The following CACNA1D variants were observed in gnomAD, a reference collection of about 807,000 sequenced individuals.
CACNA1D encodes the protein calcium voltage-gated channel subunit alpha1 D, also known as voltage-dependent L-type calcium channel subunit alpha-1D.
CACNA1D carries 55 observed loss-of-function variants against 257.1 expected under a neutral mutation model. The ratio of observed to expected loss-of-function variants is 0.21; its 90% CI spans 0.17 to 0.27. CACNA1D has a LOEUF of 0.27. Ranked by LOEUF, CACNA1D falls within the 10% of genes least tolerant of loss-of-function variation. The pLI is 1.00. For synonymous variants in CACNA1D, 980 were observed against 1,014.9 expected (o/e 0.97, Z 0.65); for missense variants, 1,876 against 2,784.0 (o/e 0.67, Z 7.34).
At chr3:53,635,603 G>T (rs1392105125) in intron 3 of CACNA1D, among the ~76,000 whole-genome samples, 1 of 152,006 alleles carries the variant, frequency 6.6e-6, no homozygotes, top group Non-Finnish European at 1.5e-5. Flanking sequence ...TCTCTATCTG[G>T]GTTTCAGCCT....
At chr3:53,650,136 C>T (rs1399016864) in intron 3 of CACNA1D, among the ~76,000 whole-genome samples, 3 of 152,154 alleles carry the variant, frequency 2.0e-5, no homozygotes, top group Admixed American at 6.5e-5. Context: ...CAAGTTCAGC[C>T]GGGAGAGGCG....
intron 3 of CACNA1D, among the ~76,000 whole-genome samples, chr3:53,502,193 T>G (rs142696506): frequency 6.6e-6 from 1 of 152,198 alleles, no homozygotes; most frequent in African/African-American, 2.4e-5. Flanking sequence ...CTAATAAATC[T>G]ACATAGAGCA....
intron 3 of CACNA1D, among the ~76,000 whole-genome samples, chr3:53,502,700 G>T (rs1432655197): frequency 6.6e-6 from 1 of 152,098 alleles, no homozygotes; most frequent in Non-Finnish European, 1.5e-5. Context: ...TGGGTAAGAA[G>T]ATTGCTAGTA....
chr3:53,745,135 G>A (rs1257064104), intron 23 of CACNA1D, among the ~76,000 whole-genome samples: 1 of 151,798 alleles, frequency 6.6e-6, no homozygotes, highest in African/African-American at 2.4e-5. Context: ...CAGTTTTCAT[G>A]TAGACTGTAT....
At chr3:53,583,970 GAC>G in intron 3 of CACNA1D, among the ~76,000 whole-genome samples, 1 of 152,340 alleles carries the variant, frequency 6.6e-6, no homozygotes, top group South Asian at 2.1e-4. Context: ...GTCTTGGAGA[GAC>G]AGCAGCTGTG....
chr3:53,672,611 A>C (rs2094333571), intron 7 of CACNA1D, among the ~76,000 whole-genome samples: 1 of 152,236 alleles, frequency 6.6e-6, no homozygotes, highest in Non-Finnish European at 1.5e-5. Flanking sequence ...AATAGGTTCT[A>C]GCTAAGCAGG....
intron 35 of CACNA1D, 88 bp downstream of exon 35, chr3:53,776,133 C>G (rs895871232): frequency 2.5e-6 from 3 of 1,201,986 alleles, no homozygotes; most frequent in Admixed American, 3.4e-5. Context: ...CCTGTCCCAT[C>G]GCCTGAGGAC....
At chr3:53,689,270 C>A (rs2094499063) in intron 8 of CACNA1D, among the ~76,000 whole-genome samples, 1 of 149,424 alleles carries the variant, frequency 6.7e-6, no homozygotes, top group African/African-American at 2.6e-5. Flanking sequence ...GGTGAGGCTG[C>A]CAGGGTGCTC....
intron 3 of CACNA1D, among the ~76,000 whole-genome samples, chr3:53,521,528 A>G (rs1417626748): frequency 6.6e-6 from 1 of 152,214 alleles, no homozygotes; most frequent in African/African-American, 2.4e-5. Flanking sequence ...ACAGACCCAC[A>G]AAACCAGGAC....
chr3:53,574,297 A>T (rs531270726), intron 3 of CACNA1D, among the ~76,000 whole-genome samples: 1 of 152,230 alleles, frequency 6.6e-6, no homozygotes, highest in East Asian at 1.9e-4. Context: ...AGCTCATGGG[A>T]TGGTGTGAAA....
chr3:53,660,682 C>CT (rs796561124), intron 5 of CACNA1D, among the ~76,000 whole-genome samples: 4,231 of 147,212 alleles, frequency 0.029, 191 homozygotes, highest in African/African-American at 0.097. Context: ...AGCTGCGTGC[C>CT]TTTTTTTTTT....
chr3:53,810,397 TGTGAGCTA>T, intron 47 of CACNA1D, 99 bp downstream of exon 47: 5 of 1,193,566 alleles, frequency 4.2e-6, no homozygotes, highest in Non-Finnish European at 6.2e-6. Flanking sequence ...GCGGCCAGGC[TGTGAGCTA>T]GGCTGCCTCA....
chr3:53,707,715 A>G (rs1395406810), intron 9 of CACNA1D, among the ~76,000 whole-genome samples: 1 of 152,160 alleles, frequency 6.6e-6, no homozygotes, highest in Non-Finnish European at 1.5e-5. Context: ...TGAGTTAACA[A>G]TGGAGTTTTG....
At position 53,774,475 on chromosome 3, in the gene CACNA1D, T is replaced by C. The variant is rs2095385267; in HGVS notation, c.4111-112T>C. 1.4e-6 allele frequency: 1 copy of C among 736,638 alleles called. No individual in the cohort carries two copies. The highest frequency in any genetic ancestry group is 2.5e-6 in the Non-Finnish European group (1 of 404,306). The allele number at this position is 736,638 out of a possible 1,614,324, so 45.6% of individuals were successfully genotyped here. Reference sequence around the variant, plus strand: ...TGAATGAGTGAAGTGCCAGGTACCATGAGAAAACCCTAGCTGGTAAAGATC... The same window carrying C: ...TGAATGAGTGAAGTGCCAGGTACCACGAGAAAACCCTAGCTGGTAAAGATC... On this transcript the variant is annotated intron_variant, in intron 33 of 47. Coordinates refer to ENST00000350061, the MANE Select transcript of CACNA1D (RefSeq NM_001128840.3). The surrounding 1 kb of genome is among the most constrained non-coding windows in gnomAD (Gnocchi z 4.3).
At chr3:53,691,843 TATATA>T (rs2094528413) in intron 8 of CACNA1D, among the ~76,000 whole-genome samples, 1 of 116,038 alleles carries the variant, frequency 8.6e-6, no homozygotes, top group Non-Finnish European at 1.7e-5. Flanking sequence ...ATATATTACA[TATATA>T]ATATATAATA....
At chr3:53,706,372 A>T (rs759121943) in intron 9 of CACNA1D, among the ~76,000 whole-genome samples, 14 of 152,214 alleles carry the variant, frequency 9.2e-5, no homozygotes, top group African/African-American at 1.7e-4. Flanking sequence ...GCTGGAGGGC[A>T]TCTTGATGCC....
intron 3 of CACNA1D, among the ~76,000 whole-genome samples, chr3:53,576,200 A>G (rs898963708): frequency 1.3e-4 from 20 of 152,204 alleles, no homozygotes; most frequent in Admixed American, 1.0e-3. Flanking sequence ...TGTTTCCATC[A>G]CAGTGGCCCA....
chr3:53,699,544 G>A (rs187339327), intron 8 of CACNA1D, among the ~76,000 whole-genome samples: 9 of 152,308 alleles, frequency 5.9e-5, no homozygotes, highest in Non-Finnish European at 1.0e-4. Flanking sequence ...GTCTTCAGAC[G>A]AAGAGCCCAG....
At chr3:53,613,867 T>G (rs1165657810) in intron 3 of CACNA1D, among the ~76,000 whole-genome samples, 2 of 152,090 alleles carry the variant, frequency 1.3e-5, no homozygotes, top group Admixed American at 6.6e-5. Context: ...TCTGTATCTG[T>G]AACCAGGAGA....
Sources: allele counts gnomAD v4.1 joint callset (sites outside exome capture counted in the v4.1 genomes callset), GRCh38; gene constraint gnomAD v4.1.1; non-coding constraint Gnocchi (gnomAD v3.1); transcripts MANE v1.5; gene names NCBI Gene and HGNC (gene_info 2026-07-23, HGNC 2026-07-21).